The following HAPLN1 variants were observed in gnomAD, a reference collection of about 807,000 sequenced individuals.
The protein encoded by HAPLN1 is hyaluronan and proteoglycan link protein 1, also known as Cartilage link protein.
In HAPLN1, 13 loss-of-function variants were observed where a neutral mutation model predicts 36.5. The ratio of observed to expected loss-of-function variants is 0.36; its 90% CI spans 0.23 to 0.57. The LOEUF (loss-of-function observed/expected upper bound fraction) is 0.57. Among genes scored for constraint, HAPLN1 ranks in the 20% least tolerant of loss-of-function variants. The pLI, the probability that HAPLN1 is intolerant of heterozygous loss-of-function variation, is 0.83. For missense variants in HAPLN1, 407 were observed against 439.7 expected (o/e 0.93, Z 0.66); for synonymous variants, 202 against 169.8 (o/e 1.19, Z -1.48).
intron 2 of HAPLN1, among the ~76,000 whole-genome samples, chr5:83,671,728 A>G (rs894862407): frequency 2.0e-5 from 3 of 152,208 alleles, no homozygotes; most frequent in African/African-American, 4.8e-5. Context: ...TATGACCCAA[A>G]TCACATTTCA....
intron 1 of HAPLN1, among the ~76,000 whole-genome samples, chr5:83,680,193 TG>T (rs1293002153): frequency 1.3e-5 from 2 of 152,124 alleles, no homozygotes; most frequent in African/African-American, 2.4e-5. Flanking sequence ...ATGCTTGAGA[TG>T]GGGGTTAGAC....
intron 1 of HAPLN1, chr5:83,686,142 C>CAAAAA (rs535353958): frequency 3.4e-3 from 279 of 81,542 alleles, no homozygotes; most frequent in Middle Eastern, 8.9e-3. Flanking sequence ...AAAATGTAGC[C>CAAAAA]AAAAAAAAAA....
At position 83,641,816 on chromosome 5, in the gene HAPLN1, C is replaced by T. The variant is rs199684434; in HGVS notation, c.776-31G>A. 12 of 1,599,422 alleles carry T rather than the reference C, an allele frequency of 7.5e-6. No individual in the cohort carries two copies. The East Asian group carries it at 2.2e-4, about 30-fold the overall frequency. ...GAGAAAAGGAGACAGAGTCAATGGG[C>T]TGGTCTTCAATTGAGCCACACAGAG... On this transcript the variant is annotated intron_variant, in intron 4 of 4. Transcript: ENST00000274341.
At chr5:83,661,524 A>C (rs1461266470) in intron 2 of HAPLN1, among the ~76,000 whole-genome samples, 1 of 137,080 alleles carries the variant, frequency 7.3e-6, no homozygotes, top group Non-Finnish European at 1.5e-5. Context: ...AGCTCACTGC[A>C]AGCTCTGCCT....
chr5:83,648,394 A>AATATATAT (rs1749938100), intron 3 of HAPLN1, among the ~76,000 whole-genome samples: 1 of 32,774 alleles, frequency 3.1e-5, no homozygotes, highest in Non-Finnish European at 5.8e-5. Context: ...CCTATATTTG[A>AATATATAT]CTATATATAT....
intron 1 of HAPLN1, among the ~76,000 whole-genome samples, chr5:83,718,596 T>C (rs1024207892): frequency 2.0e-5 from 3 of 152,234 alleles, no homozygotes; most frequent in African/African-American, 7.2e-5. Flanking sequence ...CTTTCCTACT[T>C]CTTCCAACAG....
Position 83,680,538 on chromosome 5 carries a change from G to A in HAPLN1, c.-26-6989C>T, listed in dbSNP as rs151013098. ...TGAGATTTCATATAGGTTTTTATGGGCATGTGTTCCATAATTAATAGTCTG... is the reference window on the plus strand; with the variant it reads ...TGAGATTTCATATAGGTTTTTATGGACATGTGTTCCATAATTAATAGTCTG... On this transcript the variant is annotated intron_variant, in intron 1 of 4. Transcript: ENST00000274341. 3.4e-3 allele frequency among the ~76,000 whole-genome samples: 519 copies of A among 152,144 alleles called. 2 individuals carry two copies. Among genetic ancestry groups the A allele is most frequent in the Non-Finnish European group, 5.0e-3 (339 of 67,988 alleles).
intron 2 of HAPLN1, among the ~76,000 whole-genome samples, chr5:83,670,147 T>A (rs1279896660): frequency 6.6e-6 from 1 of 152,206 alleles, no homozygotes; most frequent in South Asian, 2.1e-4. Context: ...TCTCTAAAAT[T>A]CTATGGTAGT....
Position 83,689,260 on chromosome 5 carries a change from A to G in HAPLN1, c.-26-15711T>C, listed in dbSNP as rs182648635. 1.1e-4 allele frequency among the ~76,000 whole-genome samples: 17 copies of G among 152,226 alleles called. No homozygotes were observed. In the East Asian group the frequency reaches 2.9e-3, roughly 26 times the overall value. On this transcript the variant is annotated intron_variant, in intron 1 of 4. Coordinates refer to ENST00000274341, the MANE Select transcript of HAPLN1 (RefSeq NM_001884.4). ...TGGATTTAGCTAAGACCAAAGTTGAATATGCTGAGCACCTAAATAATGACT... is the reference window on the plus strand; with the variant it reads ...TGGATTTAGCTAAGACCAAAGTTGAGTATGCTGAGCACCTAAATAATGACT...
At chr5:83,716,287 T>G (rs185801421) in intron 1 of HAPLN1, among the ~76,000 whole-genome samples, 7 of 152,348 alleles carry the variant, frequency 4.6e-5, no homozygotes, top group East Asian at 1.9e-4. Context: ...GTGTTCTTTT[T>G]GGATGTTAGA....
chr5:83,686,725 G>A (rs1374351848), intron 1 of HAPLN1, among the ~76,000 whole-genome samples: 1 of 152,134 alleles, frequency 6.6e-6, no homozygotes, highest in Non-Finnish European at 1.5e-5. Context: ...TTTGGAGGCA[G>A]CAAGTGAATT....
intron 1 of HAPLN1, among the ~76,000 whole-genome samples, chr5:83,677,765 G>C (rs1022662742): frequency 6.6e-6 from 1 of 152,142 alleles, no homozygotes; most frequent in Admixed American, 6.5e-5. Flanking sequence ...AAACACTAAG[G>C]TATTGTTATT....
chr5:83,698,047 G>T (rs1224168691), intron 1 of HAPLN1, among the ~76,000 whole-genome samples: 1 of 151,942 alleles, frequency 6.6e-6, no homozygotes, highest in Non-Finnish European at 1.5e-5. Context: ...TATCACTTTG[G>T]TTGCGTGGCT....
intron 3 of HAPLN1, among the ~76,000 whole-genome samples, chr5:83,646,489 T>C (rs1749880565): frequency 6.6e-6 from 1 of 152,212 alleles, no homozygotes. Flanking sequence ...TCAATGGCCT[T>C]AAATCAAGTC....
At chr5:83,665,726 C>T (rs1044386477) in intron 2 of HAPLN1, among the ~76,000 whole-genome samples, 1 of 152,084 alleles carries the variant, frequency 6.6e-6, no homozygotes, top group Non-Finnish European at 1.5e-5. Context: ...TCTTTTGAGT[C>T]AACAGTGTTT....
At position 83,657,259 on chromosome 5, in the gene HAPLN1, C is replaced by A. The variant is rs536714556; in HGVS notation, c.101-4435G>T. On this transcript the variant is annotated intron_variant, in intron 2 of 4. Coordinates refer to ENST00000274341, the MANE Select transcript of HAPLN1 (RefSeq NM_001884.4). ...TACAGGTGCGTGCCACCACACCCTG[C>A]TAATTTTTTGTATTTTTTAGTAGAG... 3.3e-5 allele frequency among the ~76,000 whole-genome samples: 5 copies of A among 152,058 alleles called. No homozygotes were observed. In the South Asian group the frequency reaches 1.0e-3, roughly 32 times the overall value.
intron 3 of HAPLN1, 113 bp from the exon 4 acceptor site, chr5:83,644,778 G>A (rs1358073242): frequency 2.9e-6 from 2 of 687,508 alleles, no homozygotes; most frequent in Non-Finnish European, 4.2e-6. Context: ...TGAGACAGTA[G>A]TTTTTCGTCA....
chr5:83,683,682 G>A (rs1478413826), intron 1 of HAPLN1, among the ~76,000 whole-genome samples: 1 of 152,138 alleles, frequency 6.6e-6, no homozygotes, highest in East Asian at 1.9e-4. Context: ...TGGTGACATT[G>A]TGCACTTCTT....
chr5:83,715,063 A>G (rs1365394939), intron 1 of HAPLN1, among the ~76,000 whole-genome samples: 2 of 152,204 alleles, frequency 1.3e-5, no homozygotes, highest in African/African-American at 4.8e-5. Flanking sequence ...GAGGGAATCC[A>G]TCTGTTCTCA....
Sources: gnomAD v4.1 joint callset for allele counts (sites outside exome capture counted in the v4.1 genomes callset) on GRCh38, gnomAD v4.1.1 for gene constraint, MANE v1.5 for transcripts, NCBI Gene and HGNC (gene_info 2026-07-23, HGNC 2026-07-21) for gene names.